The following CCSER1 variants were observed in gnomAD, a reference collection of about 807,000 sequenced individuals.
The protein encoded by CCSER1 is coiled-coil serine rich protein 1, also known as serine-rich coiled-coil domain-containing protein 1.
A neutral mutation model predicts 82.0 loss-of-function variants in CCSER1; 41 were observed. The ratio of observed to expected loss-of-function variants is 0.50; its 90% CI spans 0.39 to 0.65. CCSER1 has a LOEUF of 0.65. Ranked by LOEUF, CCSER1 falls within the 30% of genes least tolerant of loss-of-function variation. CCSER1 has a pLI of 0.00. For synonymous variants in CCSER1, 414 were observed against 383.9 expected (o/e 1.08, Z -0.92); for missense variants, 1,119 against 1,064.2 (o/e 1.05, Z -0.72).
chr4:90,694,422 T>C (rs777836114), intron 6 of CCSER1, among the ~76,000 whole-genome samples: 11 of 151,974 alleles, frequency 7.2e-5, no homozygotes, highest in Non-Finnish European at 1.0e-4. Context: ...AGTTACTTAA[T>C]GTTGGCTAGG....
chr4:91,153,147 C>CA (rs1251062138), intron 10 of CCSER1, among the ~76,000 whole-genome samples: 1 of 151,950 alleles, frequency 6.6e-6, no homozygotes, highest in Non-Finnish European at 1.5e-5. Context: ...TCAGATATAC[C>CA]AATCAGATGT....
chr4:90,841,334 T>G (rs1580729585), intron 8 of CCSER1, among the ~76,000 whole-genome samples: 1 of 152,132 alleles, frequency 6.6e-6, no homozygotes, highest in Admixed American at 6.5e-5. Context: ...ATCCCAGCAC[T>G]TTGGGAGGCC....
At chr4:90,219,456 A>T (rs1222882378) in intron 1 of CCSER1, among the ~76,000 whole-genome samples, 1 of 152,152 alleles carries the variant, frequency 6.6e-6, no homozygotes, top group Non-Finnish European at 1.5e-5. Flanking sequence ...TATTTTTCAC[A>T]CTACATAATT....
intron 10 of CCSER1, among the ~76,000 whole-genome samples, chr4:91,207,389 C>T (rs1333861933): frequency 1.3e-5 from 2 of 151,660 alleles, no homozygotes; most frequent in South Asian, 2.1e-4. Context: ...CTAACTTCCT[C>T]TCTGAAGTAG....
Position 91,048,675 on chromosome 4 carries a change from T to C in CCSER1, c.2173-37275T>C, listed in dbSNP as rs187387522. On this transcript the variant is annotated intron_variant, in intron 9 of 10. Transcript: ENST00000509176. ...ATTATACACACTCCTTCACTCATGA[T>C]CGGCATATGGCTTCCAGAAACCCTA... Among the ~76,000 whole-genome samples, 3 of 152,286 alleles carry C rather than the reference T, an allele frequency of 2.0e-5. No individual in the cohort carries two copies. In the East Asian group the frequency reaches 5.8e-4, roughly 29 times the overall value.
intron 5 of CCSER1, among the ~76,000 whole-genome samples, chr4:90,510,551 G>A (rs116385311): frequency 1.7e-3 from 264 of 152,286 alleles, no homozygotes; most frequent in Non-Finnish European, 3.2e-3. Flanking sequence ...GGACTTCAAC[G>A]TTGTCTTTTC....
intron 3 of CCSER1, among the ~76,000 whole-genome samples, chr4:90,338,722 T>C (rs1432900845): frequency 6.6e-6 from 1 of 152,238 alleles, no homozygotes; most frequent in African/African-American, 2.4e-5. Context: ...CTGATTCAGA[T>C]AAAATTACTA....
intron 6 of CCSER1, among the ~76,000 whole-genome samples, chr4:90,701,611 C>T (rs566348876): frequency 3.5e-4 from 54 of 152,292 alleles, no homozygotes; most frequent in African/African-American, 1.2e-3. Context: ...TTCTTCCTAC[C>T]CATGAGCATG....
chr4:90,613,124 T>C (rs1720563380), intron 5 of CCSER1, among the ~76,000 whole-genome samples: 1 of 152,060 alleles, frequency 6.6e-6, no homozygotes, highest in African/African-American at 2.4e-5. Flanking sequence ...TGCCCAAAAG[T>C]ATAACATACA....
intron 10 of CCSER1, among the ~76,000 whole-genome samples, chr4:91,505,723 T>A (rs551608220): frequency 6.6e-6 from 1 of 152,294 alleles, no homozygotes; most frequent in East Asian, 1.9e-4. Context: ...TCATGTTTGT[T>A]GGTGCATGAA....
intron 10 of CCSER1, among the ~76,000 whole-genome samples, chr4:91,286,625 C>T (rs1286863892): frequency 1.3e-5 from 2 of 151,610 alleles, no homozygotes; most frequent in African/African-American, 4.8e-5. Context: ...AAGATGTGAC[C>T]CATAGATTAT....
At chr4:90,882,010 T>C (rs1426687143) in intron 8 of CCSER1, among the ~76,000 whole-genome samples, 1 of 152,024 alleles carries the variant, frequency 6.6e-6, no homozygotes, top group African/African-American at 2.4e-5. Context: ...CATTAAACCC[T>C]TGGAATCTAG....
chr4:91,425,963 C>T (rs1237469405), intron 10 of CCSER1, among the ~76,000 whole-genome samples: 2 of 152,038 alleles, frequency 1.3e-5, no homozygotes, highest in South Asian at 2.1e-4. Flanking sequence ...TAGGTATACA[C>T]GTGCCATGGT....
At chr4:91,015,546 T>C (rs905415055) in intron 9 of CCSER1, 1 of 151,970 alleles carries the variant, frequency 6.6e-6, no homozygotes, top group African/African-American at 2.4e-5. Flanking sequence ...TATATTTTTA[T>C]TTGTGTGGGT....
intron 5 of CCSER1, among the ~76,000 whole-genome samples, chr4:90,588,420 T>C (rs1782281742): frequency 6.6e-6 from 1 of 152,224 alleles, no homozygotes; most frequent in African/African-American, 2.4e-5. Context: ...TTTTCCTTCT[T>C]CATTTATAAG....
intron 1 of CCSER1, among the ~76,000 whole-genome samples, chr4:90,174,218 A>G (rs1028086442): frequency 6.6e-6 from 1 of 152,000 alleles, no homozygotes; most frequent in African/African-American, 2.4e-5. Context: ...GAATATAAAT[A>G]TAACAAGAAA....
At chr4:90,456,302 C>G (rs1287814969) in intron 4 of CCSER1, among the ~76,000 whole-genome samples, 1 of 152,180 alleles carries the variant, frequency 6.6e-6, no homozygotes, top group Admixed American at 6.5e-5. Flanking sequence ...CTGATTTACA[C>G]TTCTGATGAC....
chr4:90,844,705 G>A (rs907031517), intron 8 of CCSER1, among the ~76,000 whole-genome samples: 2 of 151,706 alleles, frequency 1.3e-5, no homozygotes, highest in Non-Finnish European at 2.9e-5. Flanking sequence ...TCTCTGCATA[G>A]CATTTTCATA....
chr4:91,365,405 C>T (rs1264628029), intron 10 of CCSER1, among the ~76,000 whole-genome samples: 1 of 152,222 alleles, frequency 6.6e-6, no homozygotes, highest in Admixed American at 6.5e-5. Flanking sequence ...ATATTACTTT[C>T]AATAACACAT....
Sources: allele counts gnomAD v4.1 joint callset (sites outside exome capture counted in the v4.1 genomes callset), GRCh38; gene constraint gnomAD v4.1.1; transcripts MANE v1.5; gene names NCBI Gene and HGNC (gene_info 2026-07-23, HGNC 2026-07-21).